Variants in OSBPL9 observed in about 807,000 individuals in gnomAD.
OSBPL9 encodes oxysterol binding protein like 9.
In OSBPL9, 40 loss-of-function variants were observed where a neutral mutation model predicts 106.6. That is an observed-to-expected ratio of 0.38 (90% CI 0.29 to 0.49). The LOEUF is 0.49. OSBPL9 is among the 20% of genes least tolerant of loss of function. The pLI, the probability that OSBPL9 is intolerant of heterozygous loss-of-function variation, is 0.97. For missense variants in OSBPL9, 609 were observed against 887.2 expected (o/e 0.69, Z 3.98); for synonymous variants, 269 against 295.4 (o/e 0.91, Z 0.92).
chr1:51,544,997 C>A, the OSBPL9 span, among the ~76,000 whole-genome samples: 2 of 151,926 alleles, frequency 1.3e-5, no homozygotes, highest in African/African-American at 4.8e-5. Context: ...GTGCCCACTA[C>A]CACTCCTGGC....
intron 4 of OSBPL9, 96 bp from the exon 5 acceptor site, chr1:51,745,440 A>T: frequency 6.6e-7 from 1 of 1,508,702 alleles, no homozygotes; most frequent in South Asian, 1.3e-5. Flanking sequence ...TATTTTAAAA[A>T]TTGAAATGTC....
intron 22 of OSBPL9, 132 bp downstream of exon 22, chr1:51,786,749 G>C (rs140749613): frequency 1.5e-6 from 1 of 651,296 alleles, no homozygotes; most frequent in Non-Finnish European, 2.6e-6. Context: ...TCCTGGGTTC[G>C]TATGTCAGAA....
chr1:51,604,214 T>C (rs183626593), intron 2 of OSBPL9, among the ~76,000 whole-genome samples: 3 of 152,240 alleles, frequency 2.0e-5, no homozygotes, highest in African/African-American at 7.2e-5. Flanking sequence ...TGCTACAGAA[T>C]GTAATGGGAC....
Position 51,617,209 on chromosome 1 carries a change from C to G in OSBPL9, c.99C>G (p.Leu33=), listed in dbSNP as rs143626823. ...WFVLDYNAGL[L]SYYTSKDKMM... ...TGCTGGACTACAATGCAGGACTGCT[C>G]TCCTACTACACGGTGAGTCCTTGGA... The change falls in exon 1 of 24, where the codon CTC becomes CTG. Residue 33 remains leucine, a synonymous_variant. Transcript: ENST00000428468. 1.2e-6 allele frequency: 2 copies of G among 1,612,260 alleles called. No individual in the cohort carries two copies. Among genetic ancestry groups the G allele is most frequent in the Admixed American group, 3.3e-5 (2 of 59,760 alleles).
chr1:51,713,784 C>T (rs1214423137), intron 3 of OSBPL9, among the ~76,000 whole-genome samples: 1 of 152,030 alleles, frequency 6.6e-6, no homozygotes, highest in Non-Finnish European at 1.5e-5. Context: ...ACTATGTAGC[C>T]TGCTATTATT....
chr1:51,767,602 A>C (rs1238777907), intron 12 of OSBPL9, among the ~76,000 whole-genome samples: 1 of 152,184 alleles, frequency 6.6e-6, no homozygotes, highest in South Asian at 2.1e-4. Context: ...TTGCAAGCCA[A>C]TTACCTTCAG....
chr1:51,789,149 A>C lies in OSBPL9; in HGVS notation c.*1360A>C. 8.0e-7 allele frequency: 1 copy of C among 1,255,912 alleles called. No homozygotes were observed. The highest frequency in any genetic ancestry group is 1.2e-5 in the South Asian group (1 of 82,108). 77.8% of individuals were successfully genotyped at this position (1,255,912 alleles called of 1,614,324 possible). ...AGTGCAAAACTTCAATGGAAGCCCT[A>C]AGGCAGTAGTATAACTAACTCCATA... is the stretch of plus-strand genomic sequence containing the variant. On this transcript the variant is annotated 3_prime_UTR_variant, in exon 24 of 24. Transcript: ENST00000428468.
the OSBPL9 span, chr1:51,518,452 C>G: frequency 6.6e-6 from 1 of 152,578 alleles, no homozygotes; most frequent in Non-Finnish European, 1.5e-5. Context: ...CAGGCGTGAG[C>G]CCCCCGAGGG....
chr1:51,724,863 C>A, intron 4 of OSBPL9: 1 of 256,326 alleles, frequency 3.9e-6, no homozygotes, highest in Non-Finnish European at 7.7e-6. Flanking sequence ...CTGTGTTAGC[C>A]CCTTAAAGCA....
At chr1:51,519,374 G>A in the OSBPL9 span, 186 of 298,816 alleles carry the variant, frequency 6.2e-4, no homozygotes, top group African/African-American at 3.9e-3. Context: ...CCCTCCCCAC[G>A]CCCGCCCCGC....
intron 14 of OSBPL9, among the ~76,000 whole-genome samples, chr1:51,775,698 C>T (rs1674905061): frequency 6.6e-6 from 1 of 152,120 alleles, no homozygotes; most frequent in East Asian, 1.9e-4. Context: ...GCAACCTCTG[C>T]CTCCTGGGTT....
chr1:51,572,756 G>T (rs1307928338), upstream of OSBPL9, among the ~76,000 whole-genome samples: 2 of 152,200 alleles, frequency 1.3e-5, no homozygotes, highest in Admixed American at 6.5e-5. Context: ...GAAGACTAAC[G>T]GGGATTTGTG....
At chr1:51,746,868 T>A in intron 6 of OSBPL9, 111 bp downstream of exon 6, 1 of 828,980 alleles carries the variant, frequency 1.2e-6, no homozygotes, top group South Asian at 1.9e-5. Flanking sequence ...ATTGACCTAG[T>A]GTAATATTAC....
At chr1:51,760,321 C>A (rs1671217579) in intron 9 of OSBPL9, 1 of 218,898 alleles carries the variant, frequency 4.6e-6, no homozygotes, top group South Asian at 6.4e-5. Context: ...TTTGGTGTAA[C>A]TCACCAAAAG....
intron 1 of OSBPL9, among the ~76,000 whole-genome samples, chr1:51,584,315 A>T (rs1645236133): frequency 6.6e-6 from 1 of 152,202 alleles, no homozygotes; most frequent in Admixed American, 6.5e-5. Flanking sequence ...ACCTGGATTC[A>T]ACAAAATTTC....
intron 3 of OSBPL9, among the ~76,000 whole-genome samples, chr1:51,703,384 AT>A (rs200013452): frequency 7.2e-5 from 11 of 152,128 alleles, no homozygotes; most frequent in Non-Finnish European, 1.6e-4. Flanking sequence ...ATTCCTAGGT[AT>A]TTTATTCTCT....
chr1:51,704,267 G>A (rs1163339683), intron 3 of OSBPL9, among the ~76,000 whole-genome samples: 1 of 152,122 alleles, frequency 6.6e-6, no homozygotes, highest in African/African-American at 2.4e-5. Flanking sequence ...ATCTGGTCCT[G>A]GGCTTTTTTT....
intron 1 of OSBPL9, among the ~76,000 whole-genome samples, chr1:51,640,492 A>T (rs1332883831): frequency 2.0e-5 from 3 of 152,190 alleles, no homozygotes. Flanking sequence ...ATTAGATATT[A>T]TTAATCTCTA....
At chr1:51,692,907 AAGAT>A (rs1655267693) in intron 3 of OSBPL9, among the ~76,000 whole-genome samples, 1 of 152,106 alleles carries the variant, frequency 6.6e-6, no homozygotes, top group Non-Finnish European at 1.5e-5. Context: ...AGAAAAGAAA[AAGAT>A]AGTGCAGGAT....
Sources: allele counts gnomAD v4.1 joint callset (sites outside exome capture counted in the v4.1 genomes callset), GRCh38; gene constraint gnomAD v4.1.1; transcripts MANE v1.5; gene names NCBI Gene and HGNC (gene_info 2026-07-23, HGNC 2026-07-21).